The following PPP6R3 variants were observed in gnomAD, a reference collection of about 807,000 sequenced individuals.
The protein encoded by PPP6R3 is protein phosphatase 6 regulatory subunit 3.
Under a neutral mutation model 110.7 loss-of-function variants are expected in PPP6R3, and 38 were observed. That is an observed-to-expected ratio of 0.34 (90% CI 0.26 to 0.45). The LOEUF (loss-of-function observed/expected upper bound fraction) is 0.45. Ranked by LOEUF, PPP6R3 falls within the 20% of genes least tolerant of loss-of-function variation. The pLI is 1.00. For missense variants in PPP6R3, 870 were observed against 1,062.4 expected (o/e 0.82, Z 2.52); for synonymous variants, 369 against 373.5 (o/e 0.99, Z 0.14).
chr11:68,462,073 C>T lies in PPP6R3; in HGVS notation c.-158+1246C>T, dbSNP rs151095703. Among the ~76,000 whole-genome samples the T allele has an allele frequency of 2.0e-5, 3 of 152,234 alleles. No homozygotes were observed. The East Asian group carries it at 5.8e-4, about 29-fold the overall frequency. On this transcript the variant is annotated intron_variant, in intron 1 of 23. Coordinates refer to ENST00000393800, the MANE Select transcript of PPP6R3 (RefSeq NM_001164161.2). Reference sequence around the variant, plus strand: ...ATGGGAATAATAATAAGTGTCCCAGCCATAAGTTTGTCAGGATAATTGCCC... The same window carrying T: ...ATGGGAATAATAATAAGTGTCCCAGTCATAAGTTTGTCAGGATAATTGCCC...
At chr11:68,554,055 TA>T (rs1227194996) in intron 6 of PPP6R3, 89 bp from the exon 7 acceptor site, 5 of 996,624 alleles carry the variant, frequency 5.0e-6, no homozygotes, top group Non-Finnish European at 7.4e-6. Flanking sequence ...GTTAATTTGT[TA>T]TTTCTTAAAT....
intron 1 of PPP6R3, chr11:68,488,841 C>G (rs1468298813): frequency 1.3e-5 from 2 of 152,128 alleles, no homozygotes; most frequent in Non-Finnish European, 2.9e-5. Flanking sequence ...TCGCTGCCAT[C>G]TTGATCTTGA....
At chr11:68,506,632 A>C (rs2099079536) in intron 1 of PPP6R3, among the ~76,000 whole-genome samples, 1 of 152,008 alleles carries the variant, frequency 6.6e-6, no homozygotes, top group African/African-American at 2.4e-5. Context: ...TGGGATGAGT[A>C]TTTACTACAT....
intron 18 of PPP6R3, 69 bp downstream of exon 18, chr11:68,591,775 C>G: frequency 6.8e-7 from 1 of 1,472,118 alleles, no homozygotes; most frequent in Admixed American, 2.2e-5. Flanking sequence ...ATGAGACATA[C>G]ATTGTGTCAT....
intron 1 of PPP6R3, among the ~76,000 whole-genome samples, chr11:68,492,840 C>T (rs1447945396): frequency 6.6e-6 from 1 of 152,192 alleles, no homozygotes; most frequent in Non-Finnish European, 1.5e-5. Flanking sequence ...TTAAATCTTT[C>T]TGGCAGCAAA....
chr11:68,547,891 G>A (rs948002966), intron 4 of PPP6R3, among the ~76,000 whole-genome samples, 176 bp from the exon 5 acceptor site: 2 of 152,176 alleles, frequency 1.3e-5, no homozygotes, highest in Non-Finnish European at 2.9e-5. Context: ...GGTATTTTGA[G>A]TATTGTAACT....
chr11:68,508,303 T>G (rs1476075915), intron 1 of PPP6R3, among the ~76,000 whole-genome samples: 2 of 151,920 alleles, frequency 1.3e-5, no homozygotes, highest in African/African-American at 4.8e-5. Context: ...TTATTTTTTT[T>G]GTATTTTTAG....
intron 3 of PPP6R3, among the ~76,000 whole-genome samples, chr11:68,542,507 C>T (rs1259116052): frequency 6.8e-6 from 1 of 147,266 alleles, no homozygotes; most frequent in East Asian, 2.1e-4. Context: ...GATTCCTGTG[C>T]CTCAGCCTCC....
chr11:68,467,142 T>C (rs1182118535), intron 1 of PPP6R3, among the ~76,000 whole-genome samples: 1 of 152,260 alleles, frequency 6.6e-6, no homozygotes, highest in East Asian at 1.9e-4. Context: ...AGAGTTGACC[T>C]GTTTTAGATG....
chr11:68,601,040 C>T (rs2099630206), intron 20 of PPP6R3, among the ~76,000 whole-genome samples: 1 of 152,176 alleles, frequency 6.6e-6, no homozygotes, highest in African/African-American at 2.4e-5. Context: ...CAGTTAGTGT[C>T]TTAGACAAAC....
At chr11:68,545,239 T>G (rs958214892) in intron 4 of PPP6R3, among the ~76,000 whole-genome samples, 1 of 152,258 alleles carries the variant, frequency 6.6e-6, no homozygotes, top group Non-Finnish European at 1.5e-5. Context: ...ACTTAATTTG[T>G]TAGCATACTT....
chr11:68,512,448 A>G (rs575241872), intron 1 of PPP6R3, among the ~76,000 whole-genome samples: 1 of 152,330 alleles, frequency 6.6e-6, no homozygotes, highest in East Asian at 1.9e-4. Flanking sequence ...ATAATCTCTA[A>G]AATCCTGAAA....
intron 1 of PPP6R3, among the ~76,000 whole-genome samples, chr11:68,516,422 T>C (rs1316682667): frequency 6.6e-6 from 1 of 152,234 alleles, no homozygotes; most frequent in Non-Finnish European, 1.5e-5. Context: ...AAAGTATACT[T>C]TAAACACAAC....
At chr11:68,596,975 A>T (rs185127180) in intron 19 of PPP6R3, among the ~76,000 whole-genome samples, 8 of 152,328 alleles carry the variant, frequency 5.3e-5, no homozygotes, top group Admixed American at 3.3e-4. Context: ...CATGTTGCAG[A>T]TAAGGAAACG....
chr11:68,573,463 A>G (rs549722827), intron 12 of PPP6R3, among the ~76,000 whole-genome samples: 154 of 152,138 alleles, frequency 1.0e-3, no homozygotes, highest in African/African-American at 3.6e-3. Flanking sequence ...ATACGAATTA[A>G]GTGTAAAGAT....
At chr11:68,608,512 G>A (rs1241064618) in intron 22 of PPP6R3, among the ~76,000 whole-genome samples, 1 of 152,202 alleles carries the variant, frequency 6.6e-6, no homozygotes, top group African/African-American at 2.4e-5. Context: ...TTCTTTGTAG[G>A]TAGAAAAATG....
At chr11:68,530,237 A>T (rs530762223) in intron 2 of PPP6R3, among the ~76,000 whole-genome samples, 1 of 152,090 alleles carries the variant, frequency 6.6e-6, no homozygotes, top group African/African-American at 2.4e-5. Context: ...TAGTTCTAGT[A>T]GTTTTAATAG....
At chr11:68,512,556 C>T (rs532049287) in intron 1 of PPP6R3, among the ~76,000 whole-genome samples, 13 of 152,306 alleles carry the variant, frequency 8.5e-5, no homozygotes, top group South Asian at 6.2e-4. Flanking sequence ...AGTTGCATCA[C>T]GTTAGACGGA....
chr11:68,570,172 G>A (rs1475581599), intron 11 of PPP6R3, among the ~76,000 whole-genome samples: 3 of 152,210 alleles, frequency 2.0e-5, no homozygotes, highest in African/African-American at 2.4e-5. Context: ...TAAATTCTTT[G>A]ATGATTTGAA....
Sources: allele counts gnomAD v4.1 joint callset (sites outside exome capture counted in the v4.1 genomes callset), GRCh38; gene constraint gnomAD v4.1.1; transcripts MANE v1.5; gene names NCBI Gene and HGNC (gene_info 2026-07-23, HGNC 2026-07-21).